FER1L6: variants seen among roughly 807,000 people sequenced by gnomAD.
The protein encoded by FER1L6 is fer-1 like family member 6.
A neutral mutation model predicts 219.2 loss-of-function variants in FER1L6; 177 were observed. The ratio of observed to expected loss-of-function variants is 0.81; its 90% CI spans 0.71 to 0.91. The LOEUF (loss-of-function observed/expected upper bound fraction) is 0.91. FER1L6 is among the 40% of genes least tolerant of loss of function. The probability of loss-of-function intolerance (pLI) is 0.00; values close to 1 mark genes in which losing one functional copy is unlikely to be tolerated. For synonymous variants in FER1L6, 768 were observed against 824.3 expected, an observed-to-expected ratio of 0.93 and a Z score of 1.17; for missense variants, 2,153 against 2,259.9, an observed-to-expected ratio of 0.95 and a Z score of 0.96.
chr8:124,016,142 C>T (rs1818190913), intron 15 of FER1L6: 1 of 152,406 alleles, frequency 6.6e-6, no homozygotes, highest in African/African-American at 2.4e-5. Context: ...GGAAAGGGAT[C>T]AGAAGTGATT....
At chr8:123,923,282 G>T (rs902150970) in intron 1 of FER1L6, among the ~76,000 whole-genome samples, 26 of 152,202 alleles carry the variant, frequency 1.7e-4, no homozygotes, top group African/African-American at 5.5e-4. Context: ...TGGGACAGAG[G>T]CACAGAGAGG....
chr8:123,939,165 G>A, intron 1 of FER1L6: 1 of 985,386 alleles, frequency 1.0e-6, no homozygotes, highest in Non-Finnish European at 1.2e-6. Context: ...TGTGACCTGT[G>A]AAAAACCAAT....
chr8:124,049,345 TGACCCTTTTAGGATCATACA>T (rs1302710604), intron 21 of FER1L6, among the ~76,000 whole-genome samples: 1 of 152,114 alleles, frequency 6.6e-6, no homozygotes, highest in African/African-American at 2.4e-5. Flanking sequence ...CGCGCCTGTA[TGACCCTTTTAGGATCATACA>T]GGTCCTTTTA....
chr8:124,104,744 A>G (rs547055884), intron 39 of FER1L6, among the ~76,000 whole-genome samples: 17 of 152,242 alleles, frequency 1.1e-4, no homozygotes, highest in Non-Finnish European at 1.8e-4. Flanking sequence ...ATCATATAAT[A>G]GCAGCTATTA....
chr8:123,946,075 A>G (rs1034221789), intron 1 of FER1L6, among the ~76,000 whole-genome samples: 47 of 152,302 alleles, frequency 3.1e-4, no homozygotes, highest in African/African-American at 1.0e-3. Flanking sequence ...GAAGCGTTGT[A>G]GGGGTGTTCA....
Position 124,066,431 on chromosome 8 carries a change from C to T in FER1L6, c.3559C>T (p.Pro1187Ser), listed in dbSNP as rs781404383. The change falls in exon 27 of 41, where the codon CCC (proline) becomes TCC (serine). Residue 1187 changes from proline (P) to serine (S), a missense_variant. Physicochemically the swap from Pro to Ser is moderately conservative, Grantham distance 74. Coordinates refer to ENST00000522917, the MANE Select transcript of FER1L6 (RefSeq NM_001039112.2). ...EPPKDGKPKD[P>S]RKPSRRSTKR... Reference sequence around the variant, plus strand: ...CCATTCCCTCATCCCTTGCCAGGATCCCAGGAAGCCTTCCCGGAGGTCCAC... The same window carrying T: ...CCATTCCCTCATCCCTTGCCAGGATTCCAGGAAGCCTTCCCGGAGGTCCAC... 1 of 1,613,548 alleles carries T rather than the reference C, an allele frequency of 6.2e-7. No individual in the cohort carries two copies. Among genetic ancestry groups the T allele is most frequent in the South Asian group, 1.1e-5 (1 of 90,998 alleles).
intron 20 of FER1L6, among the ~76,000 whole-genome samples, chr8:124,043,302 T>C (rs1477218889): frequency 6.6e-6 from 1 of 152,200 alleles, no homozygotes; most frequent in Non-Finnish European, 1.5e-5. Flanking sequence ...GGAGGGTTAA[T>C]ATCCAACGTG....
intron 33 of FER1L6, among the ~76,000 whole-genome samples, chr8:124,089,899 T>C (rs998644161): frequency 1.4e-5 from 2 of 145,062 alleles, no homozygotes; most frequent in Non-Finnish European, 3.1e-5. Context: ...TATTTCAATA[T>C]ATCTGTAGAA....
intron 1 of FER1L6, chr8:123,924,913 A>G (rs138301720): frequency 3.0e-4 from 45 of 152,258 alleles, no homozygotes; most frequent in South Asian, 2.7e-3. Context: ...TGTTAATAGA[A>G]TGCTTCCCCG....
At chr8:123,877,698 C>CA (rs1247734288) in intron 1 of FER1L6, among the ~76,000 whole-genome samples, 1 of 148,708 alleles carries the variant, frequency 6.7e-6, no homozygotes, top group East Asian at 2.0e-4. Flanking sequence ...ACATATCTTT[C>CA]AAAAAATCCA....
intron 12 of FER1L6, among the ~76,000 whole-genome samples, chr8:123,993,663 A>G (rs1235042313): frequency 1.3e-5 from 2 of 152,046 alleles, no homozygotes; most frequent in African/African-American, 2.4e-5. Flanking sequence ...CTCCCTTAAT[A>G]TGATGCACTG....
chr8:124,002,663 C>A (rs1019370367), intron 12 of FER1L6, among the ~76,000 whole-genome samples: 6 of 151,692 alleles, frequency 4.0e-5, no homozygotes, highest in African/African-American at 1.5e-4. Flanking sequence ...TTCCTTCCCT[C>A]TCTCCCCACT....
chr8:124,042,739 C>T (rs987612539), intron 20 of FER1L6, among the ~76,000 whole-genome samples: 5 of 152,162 alleles, frequency 3.3e-5, no homozygotes, highest in African/African-American at 1.2e-4. Context: ...TGGTAGCACT[C>T]ACCTGACCAC....
chr8:124,107,607 T>C (rs202238518), intron 39 of FER1L6, among the ~76,000 whole-genome samples: 239 of 152,326 alleles, frequency 1.6e-3, no homozygotes, highest in African/African-American at 5.2e-3. Context: ...CTCCATGCTG[T>C]CCTTGCCTTG....
chr8:123,867,108 C>T (rs1423443648), intron 1 of FER1L6, among the ~76,000 whole-genome samples: 1 of 152,028 alleles, frequency 6.6e-6, no homozygotes, highest in Non-Finnish European at 1.5e-5. Context: ...GTTGCCTGTG[C>T]TCTTGGGGTC....
intron 12 of FER1L6, among the ~76,000 whole-genome samples, chr8:123,986,625 T>C (rs1358960910): frequency 1.3e-5 from 2 of 152,214 alleles, no homozygotes; most frequent in South Asian, 2.1e-4. Flanking sequence ...AACTCTATTT[T>C]TGTACCCATT....
chr8:123,994,429 A>G (rs948464596), intron 12 of FER1L6, among the ~76,000 whole-genome samples: 4 of 151,158 alleles, frequency 2.6e-5, no homozygotes, highest in Admixed American at 2.6e-4. Flanking sequence ...TCTGTACGGA[A>G]GAGTCCAGAG....
chr8:123,927,162 GAAAAA>G, intron 1 of FER1L6, among the ~76,000 whole-genome samples: 1 of 135,708 alleles, frequency 7.4e-6, no homozygotes, highest in Admixed American at 7.4e-5. Flanking sequence ...CAGCAGGCAG[GAAAAA>G]AAAAAAAAAA....
In FER1L6 at chr8:124,017,692, C is replaced by T. The variant is rs201616767; in HGVS notation, c.1987C>T (p.Arg663Ter). 7.0e-5 allele frequency: 113 copies of T among 1,613,438 alleles called. No homozygotes were observed. In the East Asian group the frequency reaches 8.7e-4, roughly 12 times the overall value. The part of the protein sequence containing the change: ...MLNQTTLDKK[R>*]LTLCWQELEA... Reference sequence around the variant, plus strand: ...GAACCAAACCACTTTAGATAAGAAGCGACTTACGCTCTGCTGGCAGGAGCT... The same window carrying T: ...GAACCAAACCACTTTAGATAAGAAGTGACTTACGCTCTGCTGGCAGGAGCT... Residue 663 changes from arginine to a stop codon, truncating the protein, a stop_gained, in exon 16 of 41, where the codon CGA becomes TGA. Transcript: ENST00000522917. LOFTEE classifies it high-confidence loss of function.
Sources: gnomAD v4.1 joint callset for allele counts (sites outside exome capture counted in the v4.1 genomes callset) on GRCh38, gnomAD v4.1.1 for gene constraint, MANE v1.5 for transcripts, NCBI Gene and HGNC (gene_info 2026-07-23, HGNC 2026-07-21) for gene names.